The following DDX31 variants were observed in gnomAD, a reference collection of about 807,000 sequenced individuals.
The protein encoded by DDX31 is ATP-dependent DNA helicase DDX31.
DDX31 carries 70 observed loss-of-function variants against 91.3 expected under a neutral mutation model. The observed-to-expected ratio is 0.77, with a 90% confidence interval of 0.63 to 0.94. The LOEUF is 0.94. DDX31 is among the 40% of genes least tolerant of loss of function. DDX31 has a pLI of 0.00. For synonymous variants in DDX31, 362 were observed against 350.6 expected, an observed-to-expected ratio of 1.03 and a Z score of -0.36; for missense variants, 902 against 925.0, an observed-to-expected ratio of 0.98 and a Z score of 0.32.
intron 19 of DDX31, among the ~76,000 whole-genome samples, chr9:132,611,405 C>T (rs1421134462): frequency 1.3e-5 from 2 of 152,118 alleles, no homozygotes; most frequent in South Asian, 2.1e-4. Context: ...ACTAAAAGAA[C>T]GTCTTTGAGG....
At chr9:132,628,217 C>CAA (rs2130640636) in intron 16 of DDX31, among the ~76,000 whole-genome samples, 1 of 152,340 alleles carries the variant, frequency 6.6e-6, no homozygotes, top group East Asian at 1.9e-4. Flanking sequence ...CCAGGCCCCT[C>CAA]ACAAGTGAGT....
intron 1 of DDX31, 169 bp downstream of exon 1, chr9:132,669,691 G>A (rs1225538337): frequency 6.5e-7 from 1 of 1,533,828 alleles, no homozygotes; most frequent in Non-Finnish European, 8.7e-7. Context: ...TGGTGTTCCG[G>A]TTAGAGACAC....
chr9:132,663,119 C>A (rs1181812008), intron 1 of DDX31: 2 of 1,245,200 alleles, frequency 1.6e-6, no homozygotes, highest in African/African-American at 3.1e-5. Context: ...GAAAACGAAT[C>A]TTTTCTCTCC....
chr9:132,638,324 A>T, intron 14 of DDX31: 1 of 1,614,076 alleles, frequency 6.2e-7, no homozygotes, highest in Non-Finnish European at 8.5e-7. Flanking sequence ...ATGGTATTAA[A>T]AGCAAGGTTC....
At chr9:132,663,420 G>C (rs2583805) in intron 1 of DDX31, 749,320 of 985,226 alleles carry the variant, frequency 0.76, 286,111 homozygotes, top group African/African-American at 0.93. Flanking sequence ...GCCTGATTGC[G>C]GATTACAGGC....
rs115497517 is a variant in DDX31, at chr9:132,604,144, C to G, written c.1994+7943G>C. Among the ~76,000 whole-genome samples the G allele has an allele frequency of 6.6e-3, 1,004 of 152,302 alleles. 11 individuals carry two copies. Among genetic ancestry groups the G allele is most frequent in the African/African-American group, 0.023 (959 of 41,568 alleles). The stretch of plus-strand genomic sequence containing the variant: ...GGGAAGGGCAGAACCCCCACTGGAG[C>G]ATGTGCCCACACTGTGCAACCCATT... On this transcript the variant is annotated intron_variant, in intron 19 of 19. Transcript: ENST00000372159.
chr9:132,602,216 G>C (rs1271185356), intron 19 of DDX31, among the ~76,000 whole-genome samples: 1 of 152,238 alleles, frequency 6.6e-6, no homozygotes, highest in African/African-American at 2.4e-5. Flanking sequence ...GACAGCCCTG[G>C]GGGCTGCAAG....
chr9:132,639,846 C>T (rs1441156981), intron 14 of DDX31, among the ~76,000 whole-genome samples: 3 of 152,268 alleles, frequency 2.0e-5, no homozygotes, highest in Admixed American at 2.0e-4. Context: ...AAACTCCACC[C>T]CAAAGGTTCC....
Position 132,637,969 on chromosome 9 carries a change from G to A in DDX31, c.1440+4035C>T, listed in dbSNP as rs1302965470. The A allele has an allele frequency of 7.9e-6, 8 of 1,016,058 alleles. No homozygotes were observed. The Admixed American group carries it at 2.7e-4, about 34-fold the overall frequency. 62.9% of individuals were successfully genotyped at this position (1,016,058 alleles called of 1,614,324 possible). A position where few individuals can be genotyped will look rare whatever the true frequency, so the allele number is the denominator to read the frequency against. ...TCCTGGCACGGTGGAAATTCCCCAGGAGGAGAGGAAATTAAGAACTGCACA... is the reference window on the plus strand; with the variant it reads ...TCCTGGCACGGTGGAAATTCCCCAGAAGGAGAGGAAATTAAGAACTGCACA... On this transcript the variant is annotated intron_variant, in intron 14 of 19. Transcript: ENST00000372159.
Position 132,595,290 on chromosome 9 carries a change from G to A in DDX31, c.1995-178C>T, listed in dbSNP as rs188023495. On this transcript the variant is annotated intron_variant, in intron 19 of 19. Transcript: ENST00000372159. This position sits in a 1 kb window ranked among gnomAD's most constrained non-coding sequence, Gnocchi z 4.6. ...TTCGATGCACCAGAAGATTAGATAC[G>A]GCGCTGACAGATTTTCATAACAGCG... Among the ~76,000 whole-genome samples the A allele has an allele frequency of 3.7e-4, 57 of 152,262 alleles. No individual in the cohort carries two copies. The highest frequency in any genetic ancestry group is 1.3e-3 in the East Asian group (7 of 5,192).
At chr9:132,643,749 T>A (rs531316863) in intron 13 of DDX31, among the ~76,000 whole-genome samples, 2 of 152,316 alleles carry the variant, frequency 1.3e-5, no homozygotes, top group South Asian at 4.1e-4. Context: ...CCGGAGTCAG[T>A]GCTCAGACCC....
At position 132,661,262 on chromosome 9, in the gene DDX31, A is replaced by G; in HGVS notation, c.409-11T>C. On this transcript the variant is annotated splice_polypyrimidine_tract_variant and intron_variant, in intron 3 of 19. Coordinates refer to ENST00000372159, the MANE Select transcript of DDX31 (RefSeq NM_022779.9). ...ATTTATTGTGGAAATCTAAAAGAGGAGATGAAAAAGCTTTAATTAATATTT... is the reference window on the plus strand; with the variant it reads ...ATTTATTGTGGAAATCTAAAAGAGGGGATGAAAAAGCTTTAATTAATATTT... 1 of 1,586,700 alleles carries G rather than the reference A, an allele frequency of 6.3e-7. No individual in the cohort carries two copies. Among genetic ancestry groups the G allele is most frequent in the African/African-American group, 1.4e-5 (1 of 73,910 alleles).
chr9:132,637,898 C>T (rs921803132), intron 14 of DDX31: 1 of 990,954 alleles, frequency 1.0e-6, no homozygotes, highest in Non-Finnish European at 1.2e-6. Context: ...GGACACAGAA[C>T]TGACATTGTG....
chr9:132,618,882 C>T (rs1418423815), intron 17 of DDX31, among the ~76,000 whole-genome samples: 1 of 152,226 alleles, frequency 6.6e-6, no homozygotes, highest in Non-Finnish European at 1.5e-5. Context: ...TCCACAGTGA[C>T]CTGCCTAACA....
At chr9:132,649,391 T>C (rs1834040800) in intron 9 of DDX31, among the ~76,000 whole-genome samples, 1 of 152,178 alleles carries the variant, frequency 6.6e-6, no homozygotes, top group African/African-American at 2.4e-5. Flanking sequence ...GGCAAGAAAT[T>C]AGATGCAATG....
Position 132,653,435 on chromosome 9 carries a change from A to T in DDX31, c.589-943T>A, listed in dbSNP as rs147515345. Reference sequence around the variant, plus strand: ...CTTGAACCCAGGAGGTGGAGGTTGCAGTGGGCTGAGATCGCACCATTGTGC... The same window carrying T: ...CTTGAACCCAGGAGGTGGAGGTTGCTGTGGGCTGAGATCGCACCATTGTGC... On this transcript the variant is annotated intron_variant, in intron 6 of 19. Transcript: ENST00000372159. 5.7e-4 allele frequency among the ~76,000 whole-genome samples: 73 copies of T among 129,082 alleles called. No homozygotes were observed. In the East Asian group the frequency reaches 0.019, roughly 33 times the overall value. 84.7% of individuals were successfully genotyped at this position (129,082 alleles called of 152,430 possible). A position where few individuals can be genotyped will look rare whatever the true frequency, so the allele number is the denominator to read the frequency against.
chr9:132,632,069 T>C lies in DDX31; in HGVS notation c.1463A>G (p.Asp488Gly). Residue 488 changes from aspartate to glycine, a missense_variant, in exon 15 of 20, where the codon GAT (aspartate) becomes GGT (glycine). By Grantham distance (94) the Asp-to-Gly change is moderately conservative. Coordinates refer to ENST00000372159, the MANE Select transcript of DDX31 (RefSeq NM_022779.9). ...AACAATCCACGTGACTTGAGGGAGA[T>C]CTAAGCCCCGAGCTGCAACATCCTT... ...LCTDVAARGL[D>G]LPQVTWIVQY... 6.2e-7 allele frequency: 1 copy of C among 1,613,276 alleles called. No homozygotes were observed. The highest frequency in any genetic ancestry group is 8.5e-7 in the Non-Finnish European group (1 of 1,179,540).
At chr9:132,635,711 C>T (rs941793371) in intron 14 of DDX31, among the ~76,000 whole-genome samples, 12 of 151,530 alleles carry the variant, frequency 7.9e-5, no homozygotes, top group African/African-American at 2.9e-4. Flanking sequence ...TTTGGGGGGC[C>T]GAGGTGGGTG....
intron 13 of DDX31, among the ~76,000 whole-genome samples, chr9:132,643,546 G>A (rs952041487): frequency 7.2e-5 from 11 of 152,288 alleles, no homozygotes; most frequent in African/African-American, 2.4e-4. Flanking sequence ...CATTCATCGA[G>A]TGCCCACCAT....
Sources: gnomAD v4.1 joint callset for allele counts (sites outside exome capture counted in the v4.1 genomes callset) on GRCh38, gnomAD v4.1.1 for gene constraint, Gnocchi (gnomAD v3.1) non-coding constraint, MANE v1.5 for transcripts, NCBI Gene and HGNC (gene_info 2026-07-23, HGNC 2026-07-21) for gene names.